Variants in DPP10 observed in about 807,000 individuals in gnomAD.
The protein encoded by DPP10 is inactive dipeptidyl peptidase 10.
In DPP10, 33 loss-of-function variants were observed where a neutral mutation model predicts 120.9. The ratio of observed to expected loss-of-function variants is 0.27; its 90% CI spans 0.21 to 0.37. The LOEUF is 0.37. Ranked by LOEUF, DPP10 falls within the 10% of genes least tolerant of loss-of-function variation. The probability of loss-of-function intolerance (pLI) is 1.00; values close to 1 mark genes in which losing one functional copy is unlikely to be tolerated. For synonymous variants in DPP10, 337 were observed against 326.1 expected, an observed-to-expected ratio of 1.03 and a Z score of -0.36; for missense variants, 816 against 942.8, an observed-to-expected ratio of 0.87 and a Z score of 1.76.
intron 1 of DPP10, among the ~76,000 whole-genome samples, chr2:114,912,443 T>A (rs975409379): frequency 6.6e-6 from 1 of 152,178 alleles, no homozygotes; most frequent in Non-Finnish European, 1.5e-5. Context: ...ACATCATGTT[T>A]ACATTCATAA....
chr2:115,773,481 G>C (rs976850572), intron 13 of DPP10, among the ~76,000 whole-genome samples: 1 of 151,944 alleles, frequency 6.6e-6, no homozygotes, highest in Admixed American at 6.6e-5. Context: ...CACGACTTTT[G>C]TTGCTTTTTA....
chr2:115,163,682 C>T (rs1445729442), intron 1 of DPP10, among the ~76,000 whole-genome samples: 1 of 152,130 alleles, frequency 6.6e-6, no homozygotes, highest in East Asian at 1.9e-4. Flanking sequence ...AACAAGCCGC[C>T]GAGCCTCTCT....
intron 3 of DPP10, among the ~76,000 whole-genome samples, chr2:115,392,347 G>A (rs565886346): frequency 6.6e-6 from 1 of 152,146 alleles, no homozygotes; most frequent in Non-Finnish European, 1.5e-5. Flanking sequence ...CTTTTAAGTA[G>A]ATATGTTCAC....
intron 5 of DPP10, among the ~76,000 whole-genome samples, chr2:115,620,783 T>C (rs1339080417): frequency 2.6e-5 from 4 of 152,194 alleles, no homozygotes; most frequent in Non-Finnish European, 5.9e-5. Context: ...TTGAAGAATA[T>C]AGTACTAAGG....
At chr2:115,036,708 G>GT (rs1167727483) in intron 1 of DPP10, among the ~76,000 whole-genome samples, 1 of 151,750 alleles carries the variant, frequency 6.6e-6, no homozygotes, top group African/African-American at 2.4e-5. Context: ...TTACTTCACT[G>GT]TTTTTTTCAA....
At chr2:114,623,967 A>G (rs562476612) in intron 1 of DPP10, among the ~76,000 whole-genome samples, 150 of 152,178 alleles carry the variant, frequency 9.9e-4, no homozygotes, top group African/African-American at 3.4e-3. Context: ...CGTCTGTCAT[A>G]TAGGAATGAT....
chr2:114,923,396 C>T (rs1057046600), intron 1 of DPP10, among the ~76,000 whole-genome samples: 7 of 149,278 alleles, frequency 4.7e-5, no homozygotes, highest in Admixed American at 1.3e-4. Context: ...GTTGGCCAGG[C>T]TGGTCTCTAT....
chr2:115,749,092 G>GT (rs1287726934), intron 10 of DPP10, among the ~76,000 whole-genome samples: 1 of 152,166 alleles, frequency 6.6e-6, no homozygotes, highest in African/African-American at 2.4e-5. Context: ...AGTTGGATGG[G>GT]TTATCTCATC....
At chr2:115,408,384 T>C (rs1474567328) in intron 3 of DPP10, among the ~76,000 whole-genome samples, 1 of 152,108 alleles carries the variant, frequency 6.6e-6, no homozygotes, top group Non-Finnish European at 1.5e-5. Context: ...CAGCCCAGTT[T>C]TTCAGCCTTC....
At chr2:114,533,480 G>A (rs947296071) in intron 1 of DPP10, among the ~76,000 whole-genome samples, 1 of 152,090 alleles carries the variant, frequency 6.6e-6, no homozygotes, top group East Asian at 1.9e-4. Flanking sequence ...GGTAGGCAGA[G>A]AGAGAGCATT....
In DPP10 at chr2:114,589,416, A is replaced by C. The variant is rs531944263; in HGVS notation, c.60+146578A>C. 8.5e-5 allele frequency among the ~76,000 whole-genome samples: 13 copies of C among 152,314 alleles called. No individual in the cohort carries two copies. The South Asian group carries it at 2.5e-3, about 29-fold the overall frequency. ...AAACAGATATAACGTGAATTCTGCTATTACAGGGAATATTGTACACCTTTC... is the reference window on the plus strand; with the variant it reads ...AAACAGATATAACGTGAATTCTGCTCTTACAGGGAATATTGTACACCTTTC... On this transcript the variant is annotated intron_variant, in intron 1 of 25. Transcript: ENST00000410059.
At chr2:115,046,478 A>G (rs1321496257) in intron 1 of DPP10, among the ~76,000 whole-genome samples, 1 of 152,130 alleles carries the variant, frequency 6.6e-6, no homozygotes, top group Admixed American at 6.6e-5. Context: ...ATTTTTCTCG[A>G]AAGGGCCATA....
chr2:114,569,746 A>G (rs1233937500), intron 1 of DPP10, among the ~76,000 whole-genome samples: 1 of 152,222 alleles, frequency 6.6e-6, no homozygotes, highest in African/African-American at 2.4e-5. Flanking sequence ...TGCATGAGAA[A>G]CAAAGAAATC....
intron 1 of DPP10, among the ~76,000 whole-genome samples, chr2:114,645,602 T>G (rs537486458): frequency 6.6e-6 from 1 of 152,262 alleles, no homozygotes; most frequent in Admixed American, 6.5e-5. Context: ...ATTTTAACCT[T>G]TTGTTTCTGA....
intron 1 of DPP10, among the ~76,000 whole-genome samples, chr2:115,221,582 T>C (rs1251909210): frequency 1.3e-5 from 2 of 152,146 alleles, no homozygotes; most frequent in African/African-American, 4.8e-5. Flanking sequence ...GGCTGACCTC[T>C]TCTTTAGAGT....
chr2:114,581,336 A>G (rs867410788), intron 1 of DPP10, among the ~76,000 whole-genome samples: 4 of 151,336 alleles, frequency 2.6e-5, no homozygotes, highest in Non-Finnish European at 2.9e-5. Context: ...GGTGCCCACC[A>G]CCACGCCTGG....
intron 5 of DPP10, among the ~76,000 whole-genome samples, chr2:115,539,003 A>G (rs2079030273): frequency 6.6e-6 from 1 of 152,016 alleles, no homozygotes; most frequent in African/African-American, 2.4e-5. Flanking sequence ...TTTATTTTCT[A>G]TGAACATAGC....
intron 1 of DPP10, among the ~76,000 whole-genome samples, chr2:114,955,915 C>T (rs1370683093): frequency 1.3e-5 from 2 of 152,046 alleles, no homozygotes; most frequent in Non-Finnish European, 1.5e-5. Context: ...AAAAAACTCT[C>T]AACAAATTAG....
intron 5 of DPP10, among the ~76,000 whole-genome samples, chr2:115,529,064 A>G (rs1051648478): frequency 6.6e-6 from 1 of 152,140 alleles, no homozygotes; most frequent in Non-Finnish European, 1.5e-5. Context: ...ATCTCTCAGT[A>G]TTATTTATTA....
Sources: allele counts gnomAD v4.1 joint callset (sites outside exome capture counted in the v4.1 genomes callset), GRCh38; gene constraint gnomAD v4.1.1; transcripts MANE v1.5; gene names NCBI Gene and HGNC (gene_info 2026-07-23, HGNC 2026-07-21).